ASCC3: variants seen among roughly 807,000 people sequenced by gnomAD.
ASCC3 encodes activating signal cointegrator 1 complex subunit 3.
In ASCC3, 158 loss-of-function variants were observed where a neutral mutation model predicts 256.3. The observed-to-expected ratio is 0.62, with a 90% confidence interval of 0.54 to 0.70. The LOEUF is 0.70. Ranked by LOEUF, ASCC3 falls within the 30% of genes least tolerant of loss-of-function variation. The pLI is 0.00. For synonymous variants in ASCC3, 948 were observed against 883.4 expected (o/e 1.07, Z -1.30); for missense variants, 2,259 against 2,626.0 (o/e 0.86, Z 3.05).
intron 10 of ASCC3, 142 bp downstream of exon 10, chr6:100,766,423 C>A: frequency 1.1e-6 from 1 of 890,798 alleles, no homozygotes; most frequent in East Asian, 2.7e-5. Flanking sequence ...AGTACAGAGA[C>A]AAGATGTGGT....
At chr6:100,729,491 A>G (rs1266898509) in intron 10 of ASCC3, among the ~76,000 whole-genome samples, 1 of 152,178 alleles carries the variant, frequency 6.6e-6, no homozygotes, top group Non-Finnish European at 1.5e-5. Context: ...TCCAATTTTA[A>G]TTGTTTCATT....
At chr6:100,771,546 A>AAG (rs1448142641) in intron 8 of ASCC3, among the ~76,000 whole-genome samples, 1 of 152,096 alleles carries the variant, frequency 6.6e-6, no homozygotes, top group Non-Finnish European at 1.5e-5. Context: ...AGAATAAAAA[A>AAG]ACTCAACACA....
intron 34 of ASCC3, among the ~76,000 whole-genome samples, chr6:100,592,401 T>C (rs953657892): frequency 6.6e-6 from 1 of 152,008 alleles, no homozygotes; most frequent in African/African-American, 2.4e-5. Flanking sequence ...CTTTACCAAA[T>C]ACTATTCTTG....
intron 3 of ASCC3, among the ~76,000 whole-genome samples, chr6:100,850,657 C>T (rs919938799): frequency 1.3e-5 from 2 of 152,142 alleles, no homozygotes; most frequent in Admixed American, 6.5e-5. Context: ...AGCAATTTTA[C>T]AATGTATATT....
intron 1 of ASCC3, among the ~76,000 whole-genome samples, chr6:100,870,532 C>G (rs1267120325): frequency 6.6e-6 from 1 of 151,912 alleles, no homozygotes; most frequent in Non-Finnish European, 1.5e-5. Context: ...ATATTTATTA[C>G]AAATCAAAAA....
At chr6:100,730,904 T>C (rs1476488812) in intron 10 of ASCC3, among the ~76,000 whole-genome samples, 1 of 152,114 alleles carries the variant, frequency 6.6e-6, no homozygotes, top group Non-Finnish European at 1.5e-5. Context: ...GTCTCAAATA[T>C]CAAGTTATAT....
intron 33 of ASCC3, among the ~76,000 whole-genome samples, chr6:100,602,411 CCAAT>C (rs1162866994): frequency 2.0e-5 from 3 of 151,916 alleles, no homozygotes; most frequent in Non-Finnish European, 4.4e-5. Context: ...CTTATCACTA[CCAAT>C]CATTTTTGGA....
At position 100,622,631 on chromosome 6, in the gene ASCC3, G is replaced by GA. The variant is rs1443130470; in HGVS notation, c.4785+2560dup. Among the ~76,000 whole-genome samples, 4 of 150,646 alleles carry GA rather than the reference G, an allele frequency of 2.7e-5. No individual in the cohort carries two copies. The East Asian group carries it at 7.8e-4, about 29-fold the overall frequency. ...CCCAGAACTTAAAATAAAAGTTGAA[G>GA]AAAAAAATATAAAAATAATACAATT... On this transcript the variant is annotated intron_variant, in intron 30 of 41. Coordinates refer to ENST00000369162, the MANE Select transcript of ASCC3 (RefSeq NM_006828.4).
chr6:100,643,535 T>C (rs2114895368), intron 23 of ASCC3, among the ~76,000 whole-genome samples: 1 of 152,266 alleles, frequency 6.6e-6, no homozygotes. Context: ...CGTAATTTTG[T>C]CTTAAGAACA....
chr6:100,769,352 G>A (rs1401467523), intron 8 of ASCC3, among the ~76,000 whole-genome samples: 1 of 151,834 alleles, frequency 6.6e-6, no homozygotes, highest in Non-Finnish European at 1.5e-5. Context: ...AAGATAGCTA[G>A]AAGAAAAGAT....
At position 100,608,425 on chromosome 6, in the gene ASCC3, T is replaced by TTA. The variant is rs1217294097; in HGVS notation, c.4786-1339_4786-1338dup. Among the ~76,000 whole-genome samples, 9 of 66,416 alleles carry TTA rather than the reference T, an allele frequency of 1.4e-4. 2 individuals are homozygous for TTA. The highest frequency in any genetic ancestry group is 3.1e-4 in the African/African-American group (4 of 13,108). The allele number at this position is 66,416 out of a possible 152,430, so 43.6% of individuals were successfully genotyped here. ...TATATATATATACCTTATATATATT[T>TTA]TATATATATACTTTATATATATTTT... On this transcript the variant is annotated intron_variant, in intron 30 of 41. Transcript: ENST00000369162.
chr6:100,833,303 G>A (rs1771710216), intron 4 of ASCC3, among the ~76,000 whole-genome samples: 1 of 152,140 alleles, frequency 6.6e-6, no homozygotes. Flanking sequence ...TACAGGGGAA[G>A]GGAGGAATGA....
rs375165451 is a variant in ASCC3, at chr6:100,580,216, T to C, written c.5550+9418A>G. Among the ~76,000 whole-genome samples the C allele has an allele frequency of 1.4e-3, 206 of 152,234 alleles. 6 individuals are homozygous for C. The South Asian group carries it at 0.027, about 20-fold the overall frequency. Reference sequence around the variant, plus strand: ...CTAATTCTTATTTCAGAAAAGTTAATAGTAACACTTAAATTGACTACATAA... The same window carrying C: ...CTAATTCTTATTTCAGAAAAGTTAACAGTAACACTTAAATTGACTACATAA... On this transcript the variant is annotated intron_variant, in intron 36 of 41. Transcript: ENST00000369162.
At chr6:100,715,390 T>G (rs766043364) in intron 13 of ASCC3, 72 bp downstream of exon 13, 1 of 1,346,192 alleles carries the variant, frequency 7.4e-7, no homozygotes, top group East Asian at 2.4e-5. Context: ...AGCGTAAATA[T>G]TAATAATTTT....
intron 37 of ASCC3, among the ~76,000 whole-genome samples, chr6:100,533,314 T>G (rs1374326283): frequency 6.6e-6 from 1 of 152,190 alleles, no homozygotes; most frequent in Admixed American, 6.5e-5. Flanking sequence ...AATATAGTTA[T>G]GTAGCACTGA....
chr6:100,704,281 AG>A (rs1778483013), intron 13 of ASCC3, among the ~76,000 whole-genome samples: 1 of 152,014 alleles, frequency 6.6e-6, no homozygotes, highest in African/African-American at 2.4e-5. Context: ...CTTCGACTCT[AG>A]CTTTTATATT....
intron 3 of ASCC3, chr6:100,856,267 A>C: frequency 2.4e-6 from 1 of 413,990 alleles, no homozygotes; most frequent in Non-Finnish European, 3.2e-6. Context: ...ATATTTATGG[A>C]TGTATAAATA....
intron 8 of ASCC3, among the ~76,000 whole-genome samples, chr6:100,786,173 G>A (rs1004668600): frequency 1.3e-5 from 2 of 152,128 alleles, no homozygotes; most frequent in East Asian, 3.9e-4. Context: ...TTGTACATCT[G>A]GGTTTTCACC....
At chr6:100,551,427 T>C (rs1004567535) in intron 36 of ASCC3, among the ~76,000 whole-genome samples, 12 of 151,450 alleles carry the variant, frequency 7.9e-5, no homozygotes, top group African/African-American at 1.7e-4. Context: ...TGAAAGACAA[T>C]CAAAATGATT....
Sources: gnomAD v4.1 joint callset for allele counts (sites outside exome capture counted in the v4.1 genomes callset) on GRCh38, gnomAD v4.1.1 for gene constraint, MANE v1.5 for transcripts, NCBI Gene and HGNC (gene_info 2026-07-23, HGNC 2026-07-21) for gene names.